PPP2R3A: variants seen among roughly 807,000 people sequenced by gnomAD.
The protein encoded by PPP2R3A is protein phosphatase 2 regulatory subunit B''alpha.
Under a neutral mutation model 106.9 loss-of-function variants are expected in PPP2R3A, and 80 were observed. The observed-to-expected ratio is 0.75, with a 90% CI of 0.62 to 0.90. The LOEUF is 0.90. Ranked by LOEUF, PPP2R3A falls within the 40% of genes least tolerant of loss-of-function variation. PPP2R3A has a pLI of 0.00. For synonymous variants in PPP2R3A, 483 were observed against 468.3 expected, an observed-to-expected ratio of 1.03 and a Z score of -0.41; for missense variants, 1,386 against 1,350.4, an observed-to-expected ratio of 1.03 and a Z score of -0.41.
chr3:136,024,250 A>G (rs1001810084), intron 2 of PPP2R3A, among the ~76,000 whole-genome samples: 2 of 152,116 alleles, frequency 1.3e-5, no homozygotes. Context: ...GGCAGAATTT[A>G]TGTTACTAGG....
intron 5 of PPP2R3A, chr3:136,055,321 A>G: frequency 2.2e-6 from 2 of 917,852 alleles, no homozygotes; most frequent in Non-Finnish European, 1.8e-6. Flanking sequence ...ACATCTTTAC[A>G]TTGCTCAATT....
chr3:136,081,649 T>C (rs1936784598), intron 7 of PPP2R3A, among the ~76,000 whole-genome samples: 1 of 152,190 alleles, frequency 6.6e-6, no homozygotes, highest in African/African-American at 2.4e-5. Context: ...CATAATAATT[T>C]GGCTGACAAC....
chr3:136,106,373 T>A lies in PPP2R3A; in HGVS notation c.3329+51T>A, dbSNP rs1346545974. 2.0e-6 allele frequency: 3 copies of A among 1,466,054 alleles called. No homozygotes were observed. In the South Asian group the frequency reaches 3.5e-5, roughly 17 times the overall value. 90.8% of individuals were successfully genotyped at this position (1,466,054 alleles called of 1,614,324 possible). On this transcript the variant is annotated intron_variant, in intron 13 of 13. Transcript: ENST00000264977. ...AGAATTTTTAACAGGAATGCGCATG[T>A]CCAGAGTATTAAAACCCCCTTACAA...
intron 1 of PPP2R3A, among the ~76,000 whole-genome samples, chr3:135,967,489 C>G (rs1362846845): frequency 6.6e-6 from 1 of 152,154 alleles, no homozygotes. Flanking sequence ...CAGCTGAAAC[C>G]AGCTACTCTG....
At chr3:136,047,056 A>T (rs1304882792) in intron 4 of PPP2R3A, among the ~76,000 whole-genome samples, 1 of 152,232 alleles carries the variant, frequency 6.6e-6, no homozygotes, top group African/African-American at 2.4e-5. Context: ...AAAGAATTTT[A>T]AAAAATGAAA....
intron 1 of PPP2R3A, among the ~76,000 whole-genome samples, chr3:135,986,325 T>C (rs995812340): frequency 2.6e-5 from 4 of 152,094 alleles, no homozygotes; most frequent in African/African-American, 9.7e-5. Context: ...GTCACCATCA[T>C]CTCTCCCTTG....
At chr3:135,968,238 AG>A (rs1312508864) in intron 1 of PPP2R3A, among the ~76,000 whole-genome samples, 1 of 152,204 alleles carries the variant, frequency 6.6e-6, no homozygotes, top group Non-Finnish European at 1.5e-5. Flanking sequence ...TAGTCTAAGG[AG>A]GGTGACAGAT....
chr3:136,120,131 TC>T (rs1937936231), intron 13 of PPP2R3A, among the ~76,000 whole-genome samples: 1 of 124,422 alleles, frequency 8.0e-6, no homozygotes, highest in South Asian at 2.9e-4. Flanking sequence ...TCCAGGCCTG[TC>T]CGGGGGGGGT....
chr3:135,974,139 T>C lies in PPP2R3A; in HGVS notation c.-441+8290T>C, dbSNP rs370757157. Reference sequence around the variant, plus strand: ...TTTAGCTTTGCTGCATTCTCTGCATTTCCCTCTCACCTTATTGGAGGTTTA... The same window carrying C: ...TTTAGCTTTGCTGCATTCTCTGCATCTCCCTCTCACCTTATTGGAGGTTTA... On this transcript the variant is annotated intron_variant, in intron 1 of 13. Transcript: ENST00000264977. Among the ~76,000 whole-genome samples the C allele has an allele frequency of 2.0e-4, 30 of 152,346 alleles. No individual in the cohort carries two copies. The East Asian group carries it at 4.8e-3, about 24-fold the overall frequency.
At chr3:136,026,268 A>G (rs1015411908) in intron 2 of PPP2R3A, among the ~76,000 whole-genome samples, 5 of 152,170 alleles carry the variant, frequency 3.3e-5, no homozygotes, top group Non-Finnish European at 7.4e-5. Flanking sequence ...GGTAGGGGAC[A>G]TTTCAGAACT....
At chr3:136,123,396 T>C (rs1284850664) in intron 13 of PPP2R3A, among the ~76,000 whole-genome samples, 5 of 152,142 alleles carry the variant, frequency 3.3e-5, no homozygotes, top group Admixed American at 2.0e-4. Context: ...AAATGCATAT[T>C]AAACTAATGT....
At chr3:135,976,794 C>A (rs1452168469) in intron 1 of PPP2R3A, among the ~76,000 whole-genome samples, 2 of 152,038 alleles carry the variant, frequency 1.3e-5, no homozygotes, top group Non-Finnish European at 2.9e-5. Context: ...TAAAATCTTA[C>A]TTTTTAATAC....
chr3:136,136,039 C>T (rs1391812196), intron 13 of PPP2R3A, among the ~76,000 whole-genome samples: 13 of 100,642 alleles, frequency 1.3e-4, no homozygotes, highest in African/African-American at 5.2e-4. Flanking sequence ...GAGCAAGACT[C>T]CGTCTCAAAA....
chr3:136,116,919 A>G (rs1434991375), intron 13 of PPP2R3A, among the ~76,000 whole-genome samples: 1 of 152,218 alleles, frequency 6.6e-6, no homozygotes, highest in Admixed American at 6.5e-5. Flanking sequence ...CTCCACCCCA[A>G]ATCAACAGAA....
intron 1 of PPP2R3A, among the ~76,000 whole-genome samples, chr3:135,995,543 C>T (rs1380572928): frequency 7.0e-6 from 1 of 143,640 alleles, no homozygotes; most frequent in Non-Finnish European, 1.5e-5. Context: ...CAGCCTTAGA[C>T]TCACTGCAGC....
intron 5 of PPP2R3A, among the ~76,000 whole-genome samples, chr3:136,059,767 G>GAT (rs1350308812): frequency 2.0e-5 from 3 of 152,110 alleles, no homozygotes; most frequent in African/African-American, 4.8e-5. Context: ...AAGAAAATGT[G>GAT]ATATATATAC....
At chr3:135,976,367 G>A (rs544434190) in intron 1 of PPP2R3A, among the ~76,000 whole-genome samples, 17 of 152,316 alleles carry the variant, frequency 1.1e-4, no homozygotes, top group East Asian at 7.7e-4. Flanking sequence ...CATCAGGACC[G>A]TCATGGTAGG....
intron 4 of PPP2R3A, among the ~76,000 whole-genome samples, chr3:136,041,628 G>A (rs1296731834): frequency 1.3e-5 from 2 of 151,708 alleles, no homozygotes; most frequent in Non-Finnish European, 2.9e-5. Flanking sequence ...CCTTTATGGG[G>A]GGCAAATCAG....
chr3:136,143,932 C>T (rs968510611), intron 13 of PPP2R3A, among the ~76,000 whole-genome samples: 6 of 152,208 alleles, frequency 3.9e-5, no homozygotes, highest in Non-Finnish European at 7.3e-5. Flanking sequence ...CAAATTCCTG[C>T]TTAAATATTG....
Sources: allele counts gnomAD v4.1 joint callset (sites outside exome capture counted in the v4.1 genomes callset), GRCh38; gene constraint gnomAD v4.1.1; transcripts MANE v1.5; gene names NCBI Gene and HGNC (gene_info 2026-07-23, HGNC 2026-07-21).